Variants in GRINA observed in about 807,000 individuals in gnomAD.
GRINA encodes glutamate ionotropic receptor NMDA type subunit associated protein 1.
A neutral mutation model predicts 42.5 loss-of-function variants in GRINA; 26 were observed. That is an observed-to-expected ratio of 0.61 (90% CI 0.45 to 0.85). GRINA has a LOEUF of 0.85. Ranked by LOEUF, GRINA falls within the 40% of genes least tolerant of loss-of-function variation. The pLI is 0.00. For missense variants in GRINA, 475 were observed against 481.5 expected, an observed-to-expected ratio of 0.99 and a Z score of 0.13; for synonymous variants, 256 against 204.2, an observed-to-expected ratio of 1.25 and a Z score of -2.17.
At position 143,991,675 on chromosome 8, in the gene GRINA, G is replaced by C. The variant is rs782388056; in HGVS notation, c.380-17G>C. On this transcript the variant is annotated splice_polypyrimidine_tract_variant and intron_variant, in intron 2 of 6. Coordinates refer to ENST00000395068, the MANE Select transcript of GRINA (RefSeq NM_001009184.2). ...GGTGCTTGTGAGTGGCGCTGACCCA[G>C]CCTGTCTGCTTCTCAGCACCCCAGC... is the stretch of plus-strand genomic sequence containing the variant. The C allele has an allele frequency of 3.7e-6, 6 of 1,601,064 alleles. No homozygotes were observed. The highest frequency in any genetic ancestry group is 5.1e-6 in the Non-Finnish European group (6 of 1,168,500).
chr8:143,992,840 A>C lies in GRINA; in HGVS notation c.1115A>C (p.Ter372SerextTer?). The change falls in exon 7 of 7, where the codon TAG becomes TCG. Residue 372 changes from the stop codon to serine, a stop_lost. Coordinates refer to ENST00000395068, the MANE Select transcript of GRINA (RefSeq NM_001009184.2). The stretch of plus-strand genomic sequence containing the variant: ...ACCATCATTGGCCGCGCCAAGGAGT[A>C]GCCGAGCTCCAGCTCGCTGTGCCCG... ...ILTIIGRAKE[*>S] is the part of the protein sequence containing the mutation. 1 of 1,613,034 alleles carries C rather than the reference A, an allele frequency of 6.2e-7. No individual in the cohort carries two copies. The highest frequency in any genetic ancestry group is 8.5e-7 in the Non-Finnish European group (1 of 1,179,630).
rs568380194 is a variant in GRINA at position 143,991,288 on chromosome 8, C to T, written c.65C>T (p.Pro22Leu). Residue 22 changes from proline to leucine, a missense_variant, in exon 2 of 7, where the codon CCG becomes CTG. Around this residue, in one of 2 missense-constraint regions of GRINA, gnomAD observed 321 missense variants for 267.2 expected, o/e 1.20. Coordinates refer to ENST00000395068, the MANE Select transcript of GRINA (RefSeq NM_001009184.2). ...DNYPPPNPGYPGGPQPPMPPY... is the reference protein window; with the variant it reads ...DNYPPPNPGYLGGPQPPMPPY... ...TATCCTCCCCCCAACCCTGGATATC[C>T]GGGGGGGCCCCAGCCACCCATGCCC... 5.4e-6 allele frequency: 8 copies of T among 1,487,742 alleles called. No homozygotes were observed. Among genetic ancestry groups the T allele is most frequent in the East Asian group, 4.8e-5 (2 of 41,678 alleles). 92.2% of individuals were successfully genotyped at this position (1,487,742 alleles called of 1,614,324 possible).
Position 143,992,815 on chromosome 8 carries a change from A to G in GRINA, c.1090A>G (p.Thr364Ala), listed in dbSNP as rs1554750824. The change falls in exon 7 of 7, where the codon ACC becomes GCC. Residue 364 changes from threonine (T) to alanine (A), a missense_variant. This residue lies in a region of GRINA where 154 missense variants were observed against 214.2 expected (regional missense o/e 0.72). Coordinates refer to ENST00000395068, the MANE Select transcript of GRINA (RefSeq NM_001009184.2). Reference sequence around the variant, plus strand: ...CATCAACATCTTCCTGTACATCCTCACCATCATTGGCCGCGCCAAGGAGTA... The same window carrying G: ...CATCAACATCTTCCTGTACATCCTCGCCATCATTGGCCGCGCCAAGGAGTA... ...DIINIFLYIL[T>A]IIGRAKE The G allele has an allele frequency of 1.2e-6, 2 of 1,613,364 alleles. No individual in the cohort carries two copies. The highest frequency in any genetic ancestry group is 3.3e-5 in the Admixed American group (2 of 59,960).
Position 143,990,154 on chromosome 8 carries a change from C to T in GRINA, c.-70C>T, listed in dbSNP as rs1450339412. The T allele has an allele frequency of 6.6e-6, 1 of 150,640 alleles. No individual in the cohort carries two copies. The highest frequency in any genetic ancestry group is 1.5e-5 in the Non-Finnish European group (1 of 67,492). 9.3% of individuals were successfully genotyped at this position (150,640 alleles called of 1,614,324 possible). On this transcript the variant is annotated 5_prime_UTR_variant, in exon 1 of 7. Coordinates refer to ENST00000395068, the MANE Select transcript of GRINA (RefSeq NM_001009184.2). This position sits in a 1 kb window ranked among gnomAD's most constrained non-coding sequence, Gnocchi z 5.6. ...GGCGCATCGGCCATCACCGCGCGGC[C>T]GCGCAGCGGACACCGTGCGTACCGG...
chr8:143,993,217 G>C lies in GRINA; in HGVS notation c.*376G>C. ...GGTGCACGTCTTCCCTCCTGTCCCA[G>C]CTCCCCAGCCTGGCGTAGAGCACCC... On this transcript the variant is annotated 3_prime_UTR_variant, in exon 7 of 7. Coordinates refer to ENST00000395068, the MANE Select transcript of GRINA (RefSeq NM_001009184.2). 1 of 261,930 alleles carries C rather than the reference G, an allele frequency of 3.8e-6. No individual in the cohort carries two copies. The highest frequency in any genetic ancestry group is 7.5e-6 in the Non-Finnish European group (1 of 133,428). 16.2% of individuals were successfully genotyped at this position (261,930 alleles called of 1,614,324 possible).
Position 143,992,388 on chromosome 8 carries a change from G to A in GRINA, c.822+15G>A, listed in dbSNP as rs782658404. ...TCTCCATGCAGGTGAGGGGCCTCCC[G>A]TGGCTGGGCTGTGGCCGCAGGGGCT... On this transcript the variant is annotated intron_variant, in intron 5 of 6. Transcript: ENST00000395068. 3.9e-5 allele frequency: 63 copies of A among 1,608,416 alleles called. No homozygotes were observed. The highest frequency in any genetic ancestry group is 4.9e-5 in the Non-Finnish European group (58 of 1,175,898).
In GRINA at chr8:143,990,086, G is replaced by C. The variant is rs1231845116; in HGVS notation, c.-138G>C. ...GCCCCGCTGCGTCTTCCGAGCCGCA[G>C]GCGCAGGCCCAGCTGAGCGGCCGCC... On this transcript the variant is annotated 5_prime_UTR_variant, in exon 1 of 7. Transcript: ENST00000395068. This position sits in a 1 kb window ranked among gnomAD's most constrained non-coding sequence, Gnocchi z 5.6. 2.0e-5 allele frequency: 3 copies of C among 150,468 alleles called. No homozygotes were observed. The highest frequency in any genetic ancestry group is 4.4e-5 in the Non-Finnish European group (3 of 67,454). The allele number at this position is 150,468 out of a possible 1,614,324, so 9.3% of individuals were successfully genotyped here. A position where few individuals can be genotyped will look rare whatever the true frequency, so the allele number is the denominator to read the frequency against.
Position 143,992,359 on chromosome 8 carries a change from A to G in GRINA, c.808A>G (p.Ile270Val), listed in dbSNP as rs1233526931. The change falls in exon 5 of 7, where the codon ATC becomes GTC. Residue 270 changes from isoleucine to valine, a missense_variant. Coordinates refer to ENST00000395068, the MANE Select transcript of GRINA (RefSeq NM_001009184.2). ...CACAGCCGTCTGCTTCACCGTCGTCATCTTCTCCATGCAGGTGAGGGGCCT... is the reference window on the plus strand; with the variant it reads ...CACAGCCGTCTGCTTCACCGTCGTCGTCTTCTCCATGCAGGTGAGGGGCCT... ...ITTAVCFTVV[I>V]FSMQTRYDFT... The G allele has an allele frequency of 2.5e-6, 4 of 1,599,610 alleles. No homozygotes were observed. Among genetic ancestry groups the G allele is most frequent in the Non-Finnish European group, 3.4e-6 (4 of 1,170,686 alleles).
rs1024062551 is a variant in GRINA, at chr8:143,992,978, C to T, written c.*137C>T. ...AGGGAAAAGGATGCCTCTCTCCAAC[C>T]CTCCTGTATGTACACTGCAGATACT... On this transcript the variant is annotated 3_prime_UTR_variant, in exon 7 of 7. Coordinates refer to ENST00000395068, the MANE Select transcript of GRINA (RefSeq NM_001009184.2). 6.1e-5 allele frequency: 43 copies of T among 707,736 alleles called. No individual in the cohort carries two copies. Among genetic ancestry groups the T allele is most frequent in the Middle Eastern group, 5.3e-4 (2 of 3,784 alleles). The allele number at this position is 707,736 out of a possible 1,614,324, so 43.8% of individuals were successfully genotyped here. A position where few individuals can be genotyped will look rare whatever the true frequency, so the allele number is the denominator to read the frequency against.
At position 143,992,637 on chromosome 8, in the gene GRINA, C is replaced by A. The variant is rs927161722; in HGVS notation, c.966+29C>A. 2.5e-6 allele frequency: 4 copies of A among 1,613,822 alleles called. No homozygotes were observed. The Admixed American group carries it at 5.0e-5, about 20-fold the overall frequency. On this transcript the variant is annotated intron_variant, in intron 6 of 6. Coordinates refer to ENST00000395068, the MANE Select transcript of GRINA (RefSeq NM_001009184.2). ...AGTGAGGGGTGACCTTGGCCGGGGGCGGGATGCTGGGCAGGCAGGCTTGTC... is the reference window on the plus strand; with the variant it reads ...AGTGAGGGGTGACCTTGGCCGGGGGAGGGATGCTGGGCAGGCAGGCTTGTC...
At position 143,992,445 on chromosome 8, in the gene GRINA, C is replaced by A; in HGVS notation, c.823-20C>A. ...CTTTCCCAGGCCCAGCCCCATGGCC[C>A]GTTCCTCTCCCACCTGCAGACCCGC... On this transcript the variant is annotated intron_variant, in intron 5 of 6. Transcript: ENST00000395068. 1 of 1,613,974 alleles carries A rather than the reference C, an allele frequency of 6.2e-7. No individual in the cohort carries two copies. Among genetic ancestry groups the A allele is most frequent in the Non-Finnish European group, 8.5e-7 (1 of 1,179,996 alleles).
At chr8:143,991,639 G>A in intron 2 of GRINA, 37 bp downstream of exon 2, 4 of 1,593,840 alleles carry the variant, frequency 2.5e-6, no homozygotes, top group Non-Finnish European at 3.4e-6. Context: ...GTGGCCGGGA[G>A]GGCAGGGGGA....
chr8:143,991,985 CTA>C lies in GRINA; in HGVS notation c.602_603del (p.Tyr201CysfsTer209). Reference protein sequence around the residue: ...GFVRENVWTYYVSYAVFFISL... With the variant: ...GFVRENVWTYXVSYAVFFISL... ...TTGTCCGGGAGAATGTCTGGACCTA[CTA>C]TGTCTCCTATGCTGTCTTCTTCATC... On this transcript the variant is annotated frameshift_variant, in exon 4 of 7. Transcript: ENST00000395068. LOFTEE classifies it high-confidence loss of function. The C allele has an allele frequency of 6.2e-7, 1 of 1,613,606 alleles. No individual in the cohort carries two copies. The highest frequency in any genetic ancestry group is 8.5e-7 in the Non-Finnish European group (1 of 1,179,640).
chr8:143,992,411 G>A, intron 5 of GRINA, 38 bp downstream of exon 5: 1 of 1,612,766 alleles, frequency 6.2e-7, no homozygotes, highest in Non-Finnish European at 8.5e-7. Context: ...GGCCGCAGGG[G>A]CTGAGCAGCT....
At position 143,991,789 on chromosome 8, in the gene GRINA, G is replaced by A. The variant is rs782196244; in HGVS notation, c.477G>A (p.Gln159=). ...ACTGGGATGACAAGAGCATCCGACA[G>A]GCCTTCATCCGCAAGGTGGGTAGGG... ...ATNWDDKSIR[Q]AFIRKVFLVL... is the part of the protein sequence containing the mutation. The change falls in exon 3 of 7, where the codon CAG becomes CAA. Residue 159 remains glutamine (Q), a synonymous_variant. Coordinates refer to ENST00000395068, the MANE Select transcript of GRINA (RefSeq NM_001009184.2). The A allele has an allele frequency of 1.2e-6, 2 of 1,613,260 alleles. No individual in the cohort carries two copies. The highest frequency in any genetic ancestry group is 2.2e-5 in the South Asian group (2 of 91,072).
chr8:143,991,758 C>T lies in GRINA; in HGVS notation c.446C>T (p.Ala149Val). The T allele has an allele frequency of 6.2e-7, 1 of 1,613,736 alleles. No homozygotes were observed. The highest frequency in any genetic ancestry group is 1.3e-5 in the African/African-American group (1 of 75,030). Reference sequence around the variant, plus strand: ...TACTATGACAACCAGGACTTCCCTGCCACCAACTGGGATGACAAGAGCATC... The same window carrying T: ...TACTATGACAACCAGGACTTCCCTGTCACCAACTGGGATGACAAGAGCATC... ...PSYYDNQDFP[A>V]TNWDDKSIRQ... Residue 149 changes from alanine to valine, a missense_variant, in exon 3 of 7, where the codon GCC becomes GTC. By Grantham distance (64) the Ala-to-Val change is moderately conservative. This residue lies in a region of GRINA where 321 missense variants were observed against 267.2 expected (regional missense o/e 1.20). Transcript: ENST00000395068.
chr8:143,992,778 G>C lies in GRINA; in HGVS notation c.1053G>C (p.Leu351=). ...PEEYVFAALN[L]YTDIINIFLY... ...AGTATGTGTTTGCTGCGCTGAACCT[G>C]TACACAGACATCATCAACATCTTCC... Residue 351 remains leucine, a synonymous_variant, in exon 7 of 7, where the codon CTG becomes CTC. Transcript: ENST00000395068. 6.2e-7 allele frequency: 1 copy of C among 1,613,884 alleles called. No homozygotes were observed. The highest frequency in any genetic ancestry group is 8.5e-7 in the Non-Finnish European group (1 of 1,179,884).
chr8:143,992,268 G>A lies in GRINA; in HGVS notation c.717G>A (p.Ser239=), dbSNP rs782567801. ...VALSVLTASL[S]YMVGMIASFY... ...AGTCGGTCCTGACCGCCAGCCTGTCGTACATGGTGGGGATGATCGCCAGCT... is the reference window on the plus strand; with the variant it reads ...AGTCGGTCCTGACCGCCAGCCTGTCATACATGGTGGGGATGATCGCCAGCT... The change falls in exon 5 of 7, where the codon TCG becomes TCA. Residue 239 remains serine, a synonymous_variant. Coordinates refer to ENST00000395068, the MANE Select transcript of GRINA (RefSeq NM_001009184.2). 16 of 1,600,160 alleles carry A rather than the reference G, an allele frequency of 1.0e-5. No homozygotes were observed. The highest frequency in any genetic ancestry group is 2.7e-5 in the African/African-American group (2 of 74,726).
Position 143,991,885 on chromosome 8 carries a change from T to C in GRINA, c.500T>C (p.Leu167Pro). Residue 167 changes from leucine to proline, a missense_variant, in exon 4 of 7, where the codon CTA becomes CCA. Coordinates refer to ENST00000395068, the MANE Select transcript of GRINA (RefSeq NM_001009184.2). ...IRQAFIRKVF[L>P]VLTLQLSVTL... ...GAGCGGCTCCTTCCCCAGGTGTTCC[T>C]AGTGCTGACCTTGCAGCTGTCGGTG... is the stretch of plus-strand genomic sequence containing the variant. 1 of 1,611,524 alleles carries C rather than the reference T, an allele frequency of 6.2e-7. No individual in the cohort carries two copies. Among genetic ancestry groups the C allele is most frequent in the Non-Finnish European group, 8.5e-7 (1 of 1,178,440 alleles).
Sources: allele counts gnomAD v4.1 joint callset, GRCh38; gene constraint gnomAD v4.1.1; regional missense constraint gnomAD v4.1.1; non-coding constraint Gnocchi (gnomAD v3.1); transcripts MANE v1.5; gene names NCBI Gene and HGNC (gene_info 2026-07-23, HGNC 2026-07-21).